AHSA1: variants seen among roughly 807,000 people sequenced by gnomAD.
AHSA1 encodes the protein activator of 90 kDa heat shock protein ATPase homolog 1.
In AHSA1, 14 loss-of-function variants were observed where a neutral mutation model predicts 46.1. The observed-to-expected ratio is 0.30, with a 90% CI of 0.20 to 0.47. AHSA1 has a LOEUF of 0.47. AHSA1 is among the 20% of genes least tolerant of loss of function. The pLI is 0.99. For missense variants in AHSA1, 333 were observed against 415.9 expected, an observed-to-expected ratio of 0.80 and a Z score of 1.73; for synonymous variants, 147 against 145.8, an observed-to-expected ratio of 1.01 and a Z score of -0.06.
At position 77,463,604 on chromosome 14, in the gene AHSA1, A is replaced by C. The variant is rs907964540; in HGVS notation, c.472+845A>C. Among the ~76,000 whole-genome samples the C allele has an allele frequency of 3.3e-5, 5 of 151,688 alleles. No individual in the cohort carries two copies. The South Asian group carries it at 6.2e-4, about 19-fold the overall frequency. ...CCATCTCAAAAAAAAAAAAAACAAA[A>C]AAAAAACTGTATTTGAGGCTCACAT... On this transcript the variant is annotated intron_variant, in intron 4 of 8. Transcript: ENST00000216479.
At chr14:77,460,815 T>C (rs749880025) in intron 2 of AHSA1, among the ~76,000 whole-genome samples, 34 of 151,776 alleles carry the variant, frequency 2.2e-4, no homozygotes, top group Non-Finnish European at 3.1e-4. Context: ...TTTTTTAATA[T>C]AGGGACTAAA....
rs923918665 is a variant in AHSA1 at position 77,469,146 on chromosome 14, G to C, written c.914G>C (p.Arg305Pro). Residue 305 changes from arginine (R) to proline (P), a missense_variant, in exon 9 of 9, where the codon CGA becomes CCA. By Grantham distance (103) the Arg-to-Pro change is moderately radical. Transcript: ENST00000216479. ...NGETELCMEGRGIPAPEEERT... is the reference protein window; with the variant it reads ...NGETELCMEGPGIPAPEEERT... ...GAGACTGAGCTGTGCATGGAAGGTCGAGGCATCCCTGCTCCTGAGGAAGAG... is the reference window on the plus strand; with the variant it reads ...GAGACTGAGCTGTGCATGGAAGGTCCAGGCATCCCTGCTCCTGAGGAAGAG... 6.2e-7 allele frequency: 1 copy of C among 1,614,054 alleles called. No homozygotes were observed. Among genetic ancestry groups the C allele is most frequent in the Non-Finnish European group, 8.5e-7 (1 of 1,180,042 alleles).
In AHSA1 at chr14:77,458,226, G is replaced by A; in HGVS notation, c.37G>A (p.Val13Met). Residue 13 changes from valine to methionine, a missense_variant, in exon 1 of 9, where the codon GTG becomes ATG. Physicochemically the swap from Val to Met is conservative, Grantham distance 21. Transcript: ENST00000216479. ...KWGEGDPRWIVEERADATNVN... is the reference protein window; with the variant it reads ...KWGEGDPRWIMEERADATNVN... Reference sequence around the variant, plus strand: ...GGGTGAGGGAGACCCACGCTGGATCGTGGAGGAGCGGGCGGACGCCACCAA... The same window carrying A: ...GGGTGAGGGAGACCCACGCTGGATCATGGAGGAGCGGGCGGACGCCACCAA... 1 of 1,547,350 alleles carries A rather than the reference G, an allele frequency of 6.5e-7. No homozygotes were observed.
At chr14:77,458,089 T>A, upstream of AHSA1, 1 of 1,082,362 alleles carries the variant, frequency 9.2e-7, no homozygotes, top group Non-Finnish European at 1.3e-6. Flanking sequence ...TTGCGGCCGC[T>A]TCTAGTAGTT....
intron 5 of AHSA1, 81 bp from the exon 6 acceptor site, chr14:77,465,457 AT>A: frequency 6.8e-7 from 1 of 1,462,820 alleles, no homozygotes; most frequent in Admixed American, 2.0e-5. Context: ...ATGAGAATGA[AT>A]GGTACAACTG....
At chr14:77,468,287 T>C in intron 7 of AHSA1, 103 bp downstream of exon 7, 1 of 1,104,004 alleles carries the variant, frequency 9.1e-7, no homozygotes, top group Non-Finnish European at 1.3e-6. Flanking sequence ...CTTTAATCTC[T>C]TTGTTAATAA....
Position 77,468,373 on chromosome 14 carries a change from C to T in AHSA1, c.793-84C>T, listed in dbSNP as rs2079057458. 22 of 1,348,754 alleles carry T rather than the reference C, an allele frequency of 1.6e-5. 2 individuals carry two copies. The South Asian group carries it at 2.0e-4, about 12-fold the overall frequency. 83.5% of individuals were successfully genotyped at this position (1,348,754 alleles called of 1,614,324 possible). ...ATATAATTGCACAGATGGTAGACTC[C>T]GTATGAAGGGCAGATGACTGATCCT... On this transcript the variant is annotated intron_variant, in intron 7 of 8. Coordinates refer to ENST00000216479, the MANE Select transcript of AHSA1 (RefSeq NM_012111.3).
intron 2 of AHSA1, among the ~76,000 whole-genome samples, chr14:77,460,488 A>C (rs150942330): frequency 4.6e-5 from 7 of 151,304 alleles, no homozygotes; most frequent in African/African-American, 1.7e-4. Flanking sequence ...CTATCTGTCC[A>C]TGATTTTTGT....
In AHSA1 at chr14:77,468,513, G is replaced by A; in HGVS notation, c.844+5G>A. 1 of 1,596,172 alleles carries A rather than the reference G, an allele frequency of 6.3e-7. No individual in the cohort carries two copies. Among genetic ancestry groups the A allele is most frequent in the Non-Finnish European group, 8.6e-7 (1 of 1,165,482 alleles). On this transcript the variant is annotated splice_donor_5th_base_variant and intron_variant, in intron 8 of 8. Coordinates refer to ENST00000216479, the MANE Select transcript of AHSA1 (RefSeq NM_012111.3). The stretch of plus-strand genomic sequence containing the variant: ...GGTTTAAATCTTGGCCAGAGGGTAA[G>A]TAAACATATTTATTGCCATTACCCC...
At chr14:77,466,718 T>C (rs1566748324) in intron 6 of AHSA1, among the ~76,000 whole-genome samples, 1 of 152,238 alleles carries the variant, frequency 6.6e-6, no homozygotes, top group Non-Finnish European at 1.5e-5. Context: ...TAAACAAAAT[T>C]GTACTGTACT....
chr14:77,464,532 G>C lies in AHSA1; in HGVS notation c.473-66G>C, dbSNP rs909504567. 1.8e-5 allele frequency: 24 copies of C among 1,350,390 alleles called. 1 individual carries two copies. The highest frequency in any genetic ancestry group is 2.5e-5 in the Non-Finnish European group (24 of 957,028). 83.7% of individuals were successfully genotyped at this position (1,350,390 alleles called of 1,614,324 possible). ...GTAGGATGGCTGTGTTTGTCAAGCT[G>C]TAATGAAACTCCAGATCTCAGCTAC... On this transcript the variant is annotated intron_variant, in intron 4 of 8. Coordinates refer to ENST00000216479, the MANE Select transcript of AHSA1 (RefSeq NM_012111.3).
intron 4 of AHSA1, among the ~76,000 whole-genome samples, chr14:77,463,874 G>C (rs2079036860): frequency 6.6e-6 from 1 of 152,208 alleles, no homozygotes; most frequent in Non-Finnish European, 1.5e-5. Flanking sequence ...GGGAGGACCA[G>C]TACACCAGTG....
intron 1 of AHSA1, 115 bp downstream of exon 1, chr14:77,458,384 T>TG: frequency 9.3e-7 from 1 of 1,073,760 alleles, no homozygotes; most frequent in Non-Finnish European, 1.3e-6. Flanking sequence ...TGTCCGGAGA[T>TG]GGGGGTGGGT....
chr14:77,465,087 A>T (rs1404615926), intron 5 of AHSA1, among the ~76,000 whole-genome samples: 1 of 152,100 alleles, frequency 6.6e-6, no homozygotes, highest in African/African-American at 2.4e-5. Context: ...CAATCTCCCC[A>T]ATTTTCAGGG....
intron 8 of AHSA1, 61 bp from the exon 9 acceptor site, chr14:77,469,016 C>T (rs754015842): frequency 1.4e-5 from 23 of 1,588,030 alleles, no homozygotes; most frequent in Admixed American, 3.4e-5. Context: ...CCAGGTTGCC[C>T]CAGTCTTAAA....
In AHSA1 at chr14:77,459,823, C is replaced by T. The variant is rs777138724; in HGVS notation, c.271+17C>T. 1.2e-5 allele frequency: 20 copies of T among 1,613,380 alleles called. No individual in the cohort carries two copies. The highest frequency in any genetic ancestry group is 5.0e-5 in the Admixed American group (3 of 60,014). On this transcript the variant is annotated intron_variant, in intron 2 of 8. Transcript: ENST00000216479. ...ACTGGACAGGTAAGTCTAAGCTGGG[C>T]TGTCAGAGAGATTAACTGTGTTTTG...
At chr14:77,463,649 G>A (rs903718397) in intron 4 of AHSA1, among the ~76,000 whole-genome samples, 9 of 151,162 alleles carry the variant, frequency 6.0e-5, no homozygotes, top group Admixed American at 4.6e-4. Context: ...AATGGACAGC[G>A]CTAATCTAAA....
chr14:77,468,051 C>CT (rs34989956), intron 6 of AHSA1, 32 bp from the exon 7 acceptor site: 71,042 of 672,420 alleles, frequency 0.11, 4,000 homozygotes, highest in African/African-American at 0.26. Context: ...TCTTCTGCCT[C>CT]TTTTTTTTTT....
rs372535976 is a variant in AHSA1, at chr14:77,469,136, A to T, written c.904A>T (p.Met302Leu). ...IDKNGETELC[M>L]EGRGIPAPEE... ...CAAGAACGGAGAGACTGAGCTGTGC[A>T]TGGAAGGTCGAGGCATCCCTGCTCC... The change falls in exon 9 of 9, where the codon ATG becomes TTG. Residue 302 changes from methionine (M) to leucine (L), a missense_variant. Physicochemically the swap from Met to Leu is conservative, Grantham distance 15. Coordinates refer to ENST00000216479, the MANE Select transcript of AHSA1 (RefSeq NM_012111.3). The T allele has an allele frequency of 1.2e-6, 2 of 1,614,066 alleles. No individual in the cohort carries two copies. Among genetic ancestry groups the T allele is most frequent in the African/African-American group, 1.3e-5 (1 of 74,920 alleles).
Sources: gnomAD v4.1 joint callset for allele counts (sites outside exome capture counted in the v4.1 genomes callset) on GRCh38, gnomAD v4.1.1 for gene constraint, MANE v1.5 for transcripts, NCBI Gene and HGNC (gene_info 2026-07-23, HGNC 2026-07-21) for gene names.